PAWR: variants seen among roughly 807,000 people sequenced by gnomAD.
The protein encoded by PAWR is PRKC apoptosis WT1 regulator protein.
In PAWR, 23 loss-of-function variants were observed where a neutral mutation model predicts 32.0. That is an observed-to-expected ratio of 0.72 (90% CI 0.52 to 1.02). The LOEUF (loss-of-function observed/expected upper bound fraction) is 1.02. Ranked by LOEUF, PAWR falls within the 50% of genes least tolerant of loss-of-function variation. PAWR has a pLI of 0.00. For missense variants in PAWR, 457 were observed against 437.7 expected (o/e 1.04, Z -0.39); for synonymous variants, 226 against 187.1 (o/e 1.21, Z -1.70).
intron 2 of PAWR, among the ~76,000 whole-genome samples, chr12:79,663,248 T>C (rs1040988516): frequency 6.6e-6 from 1 of 152,202 alleles, no homozygotes; most frequent in African/African-American, 2.4e-5. Context: ...TTTTTATTGG[T>C]GCTTTGCCTC....
chr12:79,669,983 G>C (rs1877809634), intron 2 of PAWR, among the ~76,000 whole-genome samples: 1 of 152,116 alleles, frequency 6.6e-6, no homozygotes, highest in African/African-American at 2.4e-5. Context: ...TTACAGATGT[G>C]AGCCACCACG....
chr12:79,606,769 C>T (rs1248771694), intron 4 of PAWR, among the ~76,000 whole-genome samples: 1 of 152,144 alleles, frequency 6.6e-6, no homozygotes. Context: ...CATATGCTGA[C>T]ACAATCTGCA....
At chr12:79,667,324 T>C (rs1171459228) in intron 2 of PAWR, among the ~76,000 whole-genome samples, 1 of 152,198 alleles carries the variant, frequency 6.6e-6, no homozygotes, top group African/African-American at 2.4e-5. Flanking sequence ...ATACCACATA[T>C]AATGTATCCT....
At chr12:79,594,700 C>CGTGT (rs34121968) in intron 5 of PAWR, among the ~76,000 whole-genome samples, 218 of 148,576 alleles carry the variant, frequency 1.5e-3, no homozygotes, top group African/African-American at 3.2e-3. Flanking sequence ...GATTTAACCT[C>CGTGT]GTGTGTGTGT....
At position 79,586,236 on chromosome 12, in the gene PAWR, G is replaced by A. The variant is rs888372413; in HGVS notation, c.*6371C>T. On this transcript the variant is annotated 3_prime_UTR_variant, in exon 7 of 7. Transcript: ENST00000328827. ...TAAAATGTTTAATGTGTTATGGAAG[G>A]CTAACAGTTTTTCAACTTTTCTCAA... The A allele has an allele frequency of 9.8e-5, 15 of 152,622 alleles. No homozygotes were observed. Among genetic ancestry groups the A allele is most frequent in the Middle Eastern group, 6.8e-3 (2 of 292 alleles). The allele number at this position is 152,622 out of a possible 1,614,324, so 9.5% of individuals were successfully genotyped here.
In PAWR at chr12:79,585,055, A is replaced by G. The variant is rs1277234052; in HGVS notation, c.*7552T>C. On this transcript the variant is annotated 3_prime_UTR_variant, in exon 7 of 7. Transcript: ENST00000328827. ...AATCCATTTGAGTTTCAGAAAGAAT[A>G]CTAAATTAATGGGGGTTATGTCAGG... 3 of 380,274 alleles carry G rather than the reference A, an allele frequency of 7.9e-6. 1 individual carries two copies. Among genetic ancestry groups the G allele is most frequent in the Middle Eastern group, 7.3e-4 (2 of 2,746 alleles). 23.6% of individuals were successfully genotyped at this position (380,274 alleles called of 1,614,324 possible).
In PAWR at chr12:79,625,450, C is replaced by T. The variant is rs1234499089; in HGVS notation, c.517-4243G>A. 2.6e-5 allele frequency among the ~76,000 whole-genome samples: 4 copies of T among 152,044 alleles called. No homozygotes were observed. The South Asian group carries it at 8.3e-4, about 32-fold the overall frequency. On this transcript the variant is annotated intron_variant, in intron 2 of 6. Transcript: ENST00000328827. ...AATAAGCAAAAAGAAATCATATACA[C>T]ATTATAATCAAAGTAATAAAGAGAA...
At chr12:79,593,665 A>G (rs1173703762) in intron 6 of PAWR, among the ~76,000 whole-genome samples, 1 of 150,778 alleles carries the variant, frequency 6.6e-6, no homozygotes, top group South Asian at 2.1e-4. Flanking sequence ...TTCTCAAAAA[A>G]TAATAATAAT....
At chr12:79,665,551 A>C (rs936776915) in intron 2 of PAWR, among the ~76,000 whole-genome samples, 5 of 152,234 alleles carry the variant, frequency 3.3e-5, no homozygotes, top group African/African-American at 1.2e-4. Context: ...AGGAAAACTG[A>C]CTTCACATTT....
intron 2 of PAWR, among the ~76,000 whole-genome samples, chr12:79,682,486 T>C (rs1477832523): frequency 6.6e-6 from 1 of 152,174 alleles, no homozygotes; most frequent in Non-Finnish European, 1.5e-5. Flanking sequence ...AATGAGACTA[T>C]CATTGAAAAA....
intron 2 of PAWR, among the ~76,000 whole-genome samples, chr12:79,664,793 ATT>A (rs979166463): frequency 6.9e-6 from 1 of 145,034 alleles, no homozygotes; most frequent in African/African-American, 2.5e-5. Flanking sequence ...ATGTCTGGCT[ATT>A]TTTTTTTTTT....
intron 2 of PAWR, among the ~76,000 whole-genome samples, chr12:79,662,987 A>C (rs1465498371): frequency 1.3e-5 from 2 of 152,192 alleles, no homozygotes; most frequent in Admixed American, 1.3e-4. Flanking sequence ...AAATGCTTTT[A>C]ATTTATTTAA....
chr12:79,609,967 T>C (rs1874362605), intron 4 of PAWR, among the ~76,000 whole-genome samples: 2 of 152,160 alleles, frequency 1.3e-5, no homozygotes, highest in Non-Finnish European at 2.9e-5. Flanking sequence ...CAGTACAGAA[T>C]TCATTCCTGC....
At position 79,664,660 on chromosome 12, in the gene PAWR, G is replaced by GT. The variant is rs747634618; in HGVS notation, c.516+25068_516+25069insA. Among the ~76,000 whole-genome samples, 221 of 149,218 alleles carry GT rather than the reference G, an allele frequency of 1.5e-3. 3 individuals carry two copies. Among genetic ancestry groups the GT allele is most frequent in the Non-Finnish European group, 2.0e-3 (136 of 67,578 alleles). On this transcript the variant is annotated intron_variant, in intron 2 of 6. Coordinates refer to ENST00000328827, the MANE Select transcript of PAWR (RefSeq NM_002583.4). ...TAAGGACAAAGTAGACTCTTTGGCG[G>GT]GGGGGGGAGGAGAGAGAGAGAGTGG...
At chr12:79,661,095 CCAT>C (rs1877328675) in intron 2 of PAWR, among the ~76,000 whole-genome samples, 2 of 151,246 alleles carry the variant, frequency 1.3e-5, no homozygotes, top group Admixed American at 1.3e-4. Flanking sequence ...GGGTGAAACC[CCAT>C]CTCTAACAAA....
rs949700824 is a variant in PAWR, at chr12:79,690,464, G to A, written c.-147-73C>T. 6.0e-6 allele frequency: 6 copies of A among 997,244 alleles called. No homozygotes were observed. The African/African-American group carries it at 6.8e-5, about 11-fold the overall frequency. 61.8% of individuals were successfully genotyped at this position (997,244 alleles called of 1,614,324 possible). A position where few individuals can be genotyped will look rare whatever the true frequency, so the allele number is the denominator to read the frequency against. On this transcript the variant is annotated intron_variant, in intron 1 of 6. Coordinates refer to ENST00000328827, the MANE Select transcript of PAWR (RefSeq NM_002583.4). ...CGCCCGACCCAAGGGTCTGCCCCCGGGCTGCGCCCCTTGGAGTCCTCGAGC... is the reference window on the plus strand; with the variant it reads ...CGCCCGACCCAAGGGTCTGCCCCCGAGCTGCGCCCCTTGGAGTCCTCGAGC...
chr12:79,688,467 TAAAAAAAAAA>T (rs11333665), intron 2 of PAWR: 1 of 102,392 alleles, frequency 9.8e-6, no homozygotes, highest in Non-Finnish European at 2.3e-5. Flanking sequence ...TATTTTTAAC[TAAAAAAAAAA>T]AAAAAAAAAA....
chr12:79,639,053 C>T (rs1876152166), intron 2 of PAWR, among the ~76,000 whole-genome samples: 1 of 149,180 alleles, frequency 6.7e-6, no homozygotes, highest in African/African-American at 2.5e-5. Flanking sequence ...GCTGGGGTTA[C>T]AGGCGCATGC....
intron 2 of PAWR, among the ~76,000 whole-genome samples, chr12:79,647,617 TCTA>T (rs1876638063): frequency 1.3e-5 from 2 of 152,216 alleles, no homozygotes; most frequent in Non-Finnish European, 2.9e-5. Context: ...TGTTTGAACT[TCTA>T]CTACATGCTA....
Sources: allele counts gnomAD v4.1 joint callset (sites outside exome capture counted in the v4.1 genomes callset), GRCh38; gene constraint gnomAD v4.1.1; transcripts MANE v1.5; gene names NCBI Gene and HGNC (gene_info 2026-07-23, HGNC 2026-07-21).